The following PDCD10 variants were observed in gnomAD, a reference collection of about 807,000 sequenced individuals.
PDCD10 encodes programmed cell death 10.
A neutral mutation model predicts 29.2 loss-of-function variants in PDCD10; 4 were observed. That is an observed-to-expected ratio of 0.14 (90% CI 0.07 to 0.31). The LOEUF (loss-of-function observed/expected upper bound fraction) is 0.31. Ranked by LOEUF, PDCD10 falls within the 10% of genes least tolerant of loss-of-function variation. The pLI, the probability that PDCD10 is intolerant of heterozygous loss-of-function variation, is 1.00. For missense variants in PDCD10, 183 were observed against 257.9 expected (o/e 0.71, Z 1.99); for synonymous variants, 70 against 82.2 (o/e 0.85, Z 0.80).
intron 6 of PDCD10, among the ~76,000 whole-genome samples, chr3:167,688,606 T>C (rs902124815): frequency 6.6e-6 from 1 of 152,306 alleles, no homozygotes; most frequent in African/African-American, 2.4e-5. Context: ...TTCCGCCAAA[T>C]TGAACTTGAT....
intron 4 of PDCD10, among the ~76,000 whole-genome samples, chr3:167,700,453 T>C (rs985470777): frequency 6.6e-6 from 1 of 151,610 alleles, no homozygotes; most frequent in Non-Finnish European, 1.5e-5. Flanking sequence ...TGATACTGAA[T>C]TGCTTGAATA....
intron 2 of PDCD10, among the ~76,000 whole-genome samples, chr3:167,722,138 A>G (rs151227125): frequency 1.0e-3 from 157 of 152,304 alleles, no homozygotes; most frequent in African/African-American, 3.7e-3. Flanking sequence ...GAATGAATGC[A>G]GAATATAGAC....
At chr3:167,718,637 A>G (rs1049620000) in intron 3 of PDCD10, among the ~76,000 whole-genome samples, 1 of 151,922 alleles carries the variant, frequency 6.6e-6, no homozygotes, top group Admixed American at 6.6e-5. Context: ...CCTTTCAAAA[A>G]GGCTACTTTA....
chr3:167,719,984 A>C lies in PDCD10; in HGVS notation c.96+78T>G, dbSNP rs181459277. 1.9e-3 allele frequency: 1,859 copies of C among 995,044 alleles called. 4 individuals are homozygous for C. Among genetic ancestry groups the C allele is most frequent in the Non-Finnish European group, 2.6e-3 (1,630 of 618,206 alleles). 61.6% of individuals were successfully genotyped at this position (995,044 alleles called of 1,614,324 possible). On this transcript the variant is annotated intron_variant, in intron 3 of 8. Coordinates refer to ENST00000392750, the MANE Select transcript of PDCD10 (RefSeq NM_007217.4). ...ATTCATGCTAGTATTTGTTATACAA[A>C]AGAACAAGCAGACGAATAAATAAAG...
chr3:167,701,225 C>A (rs1319023466), intron 4 of PDCD10, among the ~76,000 whole-genome samples: 1 of 152,058 alleles, frequency 6.6e-6, no homozygotes, highest in Admixed American at 6.6e-5. Flanking sequence ...TGAAGTTCTT[C>A]TGATTGTCTA....
intron 8 of PDCD10, among the ~76,000 whole-genome samples, chr3:167,685,270 G>A (rs979023961): frequency 3.3e-5 from 5 of 151,772 alleles, no homozygotes; most frequent in South Asian, 2.1e-4. Context: ...AAAATTAGCC[G>A]GGCATGGTGG....
chr3:167,684,422 C>T lies in PDCD10; in HGVS notation c.558-33G>A, dbSNP rs368454917. 8.4e-4 allele frequency: 1,110 copies of T among 1,314,498 alleles called. 13 individuals carry two copies. Among genetic ancestry groups the T allele is most frequent in the Non-Finnish European group, 2.6e-4 (234 of 911,722 alleles). 81.4% of individuals were successfully genotyped at this position (1,314,498 alleles called of 1,614,324 possible). A position where few individuals can be genotyped will look rare whatever the true frequency, so the allele number is the denominator to read the frequency against. ...AAAAGAAAAGAATAAGCATTAATTT[C>T]ATCCAAAAAATTCACCCTTTTAAGA... is the stretch of plus-strand genomic sequence containing the variant. On this transcript the variant is annotated intron_variant, in intron 8 of 8. Transcript: ENST00000392750.
chr3:167,710,280 G>C (rs1351759820), intron 3 of PDCD10, among the ~76,000 whole-genome samples: 1 of 152,158 alleles, frequency 6.6e-6, no homozygotes, highest in East Asian at 1.9e-4. Flanking sequence ...TCCAGGCCTA[G>C]GCTTTTGGAC....
intron 2 of PDCD10, among the ~76,000 whole-genome samples, chr3:167,723,821 G>A (rs1723827450): frequency 6.6e-6 from 1 of 152,278 alleles, no homozygotes; most frequent in Non-Finnish European, 1.5e-5. Flanking sequence ...AACACCCATT[G>A]TGATATTGGG....
intron 3 of PDCD10, among the ~76,000 whole-genome samples, chr3:167,705,311 C>T (rs1347838419): frequency 6.6e-6 from 1 of 152,014 alleles, no homozygotes; most frequent in African/African-American, 2.4e-5. Flanking sequence ...TTTTTTCAGT[C>T]CTTAAGGATT....
At chr3:167,701,347 T>TAC (rs1721407916) in intron 4 of PDCD10, among the ~76,000 whole-genome samples, 1 of 152,176 alleles carries the variant, frequency 6.6e-6, no homozygotes, top group Admixed American at 6.5e-5. Flanking sequence ...TACATATACA[T>TAC]ACACACACAT....
intron 5 of PDCD10, among the ~76,000 whole-genome samples, chr3:167,696,107 T>G (rs2108405664): frequency 6.6e-6 from 1 of 152,138 alleles, no homozygotes; most frequent in East Asian, 1.9e-4. Context: ...AGTGCAAAGG[T>G]AATATCTACT....
chr3:167,697,486 GCTT>G (rs974800953), intron 4 of PDCD10, among the ~76,000 whole-genome samples: 1 of 151,940 alleles, frequency 6.6e-6, no homozygotes, highest in Middle Eastern at 3.2e-3. Context: ...GAGAATTTAA[GCTT>G]TTTTTAATGT....
At chr3:167,714,579 T>C (rs562317063) in intron 3 of PDCD10, among the ~76,000 whole-genome samples, 1 of 151,944 alleles carries the variant, frequency 6.6e-6, no homozygotes, top group Admixed American at 6.6e-5. Flanking sequence ...TTAGAACAGA[T>C]AAATTAAGTA....
intron 3 of PDCD10, among the ~76,000 whole-genome samples, chr3:167,718,125 T>G (rs1196813189): frequency 6.6e-6 from 1 of 152,112 alleles, no homozygotes; most frequent in Non-Finnish European, 1.5e-5. Flanking sequence ...AAGGTCAAAC[T>G]AAATTGTTAC....
chr3:167,687,456 C>G lies in PDCD10; in HGVS notation c.475-140G>C, dbSNP rs180712904. 1.2e-5 allele frequency: 9 copies of G among 729,310 alleles called. No homozygotes were observed. In the African/African-American group the frequency reaches 1.6e-4, roughly 13 times the overall value. The allele number at this position is 729,310 out of a possible 1,614,324, so 45.2% of individuals were successfully genotyped here. On this transcript the variant is annotated intron_variant, in intron 7 of 8. Transcript: ENST00000392750. ...TACTAATAAGCAATTGTGGAGTACT[C>G]ACTTTTAAATAAAAAGGCATATTTA...
chr3:167,703,950 G>C (rs991232436), intron 4 of PDCD10, among the ~76,000 whole-genome samples: 12 of 152,124 alleles, frequency 7.9e-5, no homozygotes, highest in Admixed American at 2.0e-4. Flanking sequence ...TTCAAAATCT[G>C]TGTGTATTTT....
intron 3 of PDCD10, among the ~76,000 whole-genome samples, chr3:167,708,622 A>T (rs1274164753): frequency 1.3e-5 from 2 of 152,244 alleles, no homozygotes; most frequent in Non-Finnish European, 2.9e-5. Flanking sequence ...CAAGCTTGCT[A>T]GAAAGACAGA....
chr3:167,729,166 A>C (rs1044560885), intron 2 of PDCD10, among the ~76,000 whole-genome samples: 1 of 152,090 alleles, frequency 6.6e-6, no homozygotes, highest in African/African-American at 2.4e-5. Flanking sequence ...ATTATAATAT[A>C]CATATTTCTT....
Sources: allele counts gnomAD v4.1 joint callset (sites outside exome capture counted in the v4.1 genomes callset), GRCh38; gene constraint gnomAD v4.1.1; transcripts MANE v1.5; gene names NCBI Gene and HGNC (gene_info 2026-07-23, HGNC 2026-07-21).